The following DNM2 variants were observed in gnomAD, a reference collection of about 807,000 sequenced individuals.
The protein encoded by DNM2 is dynamin-2.
DNM2 carries 15 observed loss-of-function variants against 99.0 expected under a neutral mutation model. That is an observed-to-expected ratio of 0.15 (90% CI 0.10 to 0.23). DNM2 has a LOEUF of 0.23. DNM2 is among the 10% of genes least tolerant of loss of function. The pLI is 1.00. For synonymous variants in DNM2, 525 were observed against 481.2 expected, an observed-to-expected ratio of 1.09 and a Z score of -1.19; for missense variants, 742 against 1,189.4, an observed-to-expected ratio of 0.62 and a Z score of 5.53.
chr19:10,797,166 T>G (rs923671043), intron 9 of DNM2, among the ~76,000 whole-genome samples: 9 of 151,966 alleles, frequency 5.9e-5, no homozygotes, highest in Admixed American at 3.3e-4. Flanking sequence ...GTGGCCCTTC[T>G]GTAACTACAC....
chr19:10,796,698 A>T lies in DNM2; in HGVS notation c.1197-682A>T, dbSNP rs1210796957. Among the ~76,000 whole-genome samples, 1 of 152,068 alleles carries T rather than the reference A, an allele frequency of 6.6e-6. No homozygotes were observed. Among genetic ancestry groups the T allele is most frequent in the East Asian group, 1.9e-4 (1 of 5,180 alleles). On this transcript the variant is annotated intron_variant, in intron 9 of 20. Transcript: ENST00000389253. The surrounding 1 kb of genome is among the most constrained non-coding windows in gnomAD (Gnocchi z 5.6). ...ATCATGAGAGCCAGCTGGGGTCCTA[A>T]GTGCCCCTGCCCACCCCCTGCACCC... is the stretch of plus-strand genomic sequence containing the variant.
chr19:10,828,949 C>G, intron 18 of DNM2, 87 bp from the exon 19 acceptor site: 5 of 1,401,372 alleles, frequency 3.6e-6, no homozygotes, highest in Non-Finnish European at 4.9e-6. Context: ...GTGGCCCCGC[C>G]CTGTGAGAGA....
At chr19:10,724,383 T>C (rs1333541485) in intron 1 of DNM2, among the ~76,000 whole-genome samples, 1 of 152,152 alleles carries the variant, frequency 6.6e-6, no homozygotes, top group African/African-American at 2.4e-5. Flanking sequence ...TTCACCATGT[T>C]AGCCAGGATG....
chr19:10,799,512 G>A (rs2072056739), intron 11 of DNM2, among the ~76,000 whole-genome samples: 1 of 151,002 alleles, frequency 6.6e-6, no homozygotes, highest in Non-Finnish European at 1.5e-5. Flanking sequence ...TGTTTGGGGT[G>A]CTTTTTGTGT....
In DNM2 at chr19:10,718,133, G is replaced by C; in HGVS notation, c.-110G>C. The C allele has an allele frequency of 6.6e-6, 8 of 1,206,666 alleles. No homozygotes were observed. Among genetic ancestry groups the C allele is most frequent in the Admixed American group, 8.7e-5 (2 of 22,896 alleles). The allele number at this position is 1,206,666 out of a possible 1,614,324, so 74.7% of individuals were successfully genotyped here. ...CCGAGCCGGGAGCGGGCGTCTTGCC[G>C]AGGCCCGGGCGGGCGGGGAGCAACG... On this transcript the variant is annotated 5_prime_UTR_variant, in exon 1 of 21. Coordinates refer to ENST00000389253, the MANE Select transcript of DNM2 (RefSeq NM_001005361.3).
At chr19:10,814,378 C>T (rs1265714401) in intron 15 of DNM2, among the ~76,000 whole-genome samples, 4 of 151,574 alleles carry the variant, frequency 2.6e-5, no homozygotes, top group South Asian at 2.1e-4. Flanking sequence ...GTGGGAGAAT[C>T]GCTTGAACCT....
At chr19:10,824,756 C>T in intron 17 of DNM2, 1 of 439,818 alleles carries the variant, frequency 2.3e-6, no homozygotes, top group Non-Finnish European at 4.2e-6. Flanking sequence ...CTGCGGTGAA[C>T]TGTGTTTGTG....
At position 10,830,761 on chromosome 19, in the gene DNM2, C is replaced by G. The variant is rs1210306064; in HGVS notation, c.2544-217C>G. Among the ~76,000 whole-genome samples, 1 of 152,156 alleles carries G rather than the reference C, an allele frequency of 6.6e-6. No homozygotes were observed. Among genetic ancestry groups the G allele is most frequent in the Non-Finnish European group, 1.5e-5 (1 of 68,016 alleles). On this transcript the variant is annotated intron_variant, in intron 20 of 20. Coordinates refer to ENST00000389253, the MANE Select transcript of DNM2 (RefSeq NM_001005361.3). This position sits in a 1 kb window ranked among gnomAD's most constrained non-coding sequence, Gnocchi z 4.8. Reference sequence around the variant, plus strand: ...ACTTCTCCGGTGGGGAAGCTGAGGCCCAGGGAGGGCAGGGGGCTCACTGAG... The same window carrying G: ...ACTTCTCCGGTGGGGAAGCTGAGGCGCAGGGAGGGCAGGGGGCTCACTGAG...
intron 5 of DNM2, among the ~76,000 whole-genome samples, 197 bp downstream of exon 5, chr19:10,777,413 C>T (rs562933199): frequency 1.3e-5 from 2 of 152,270 alleles, no homozygotes; most frequent in South Asian, 2.1e-4. Context: ...GCACAATTAA[C>T]ACCTGCTGGT....
chr19:10,732,707 T>TTATATA (rs140944896), intron 1 of DNM2, among the ~76,000 whole-genome samples: 1 of 139,010 alleles, frequency 7.2e-6, no homozygotes, highest in African/African-American at 2.6e-5. Flanking sequence ...GCCAGATTTT[T>TTATATA]TATATATATA....
intron 2 of DNM2, among the ~76,000 whole-genome samples, chr19:10,761,057 C>T (rs941321560): frequency 2.0e-5 from 3 of 151,780 alleles, no homozygotes; most frequent in African/African-American, 7.3e-5. Flanking sequence ...GGCGTGATCT[C>T]GGCTCACTGC....
At chr19:10,800,652 A>T (rs572278822) in intron 11 of DNM2, among the ~76,000 whole-genome samples, 47 of 152,362 alleles carry the variant, frequency 3.1e-4, no homozygotes, top group African/African-American at 8.9e-4. Flanking sequence ...TTGGAGGTGC[A>T]GTGAGGGGAA....
At chr19:10,732,931 T>G (rs1377405214) in intron 1 of DNM2, among the ~76,000 whole-genome samples, 1 of 151,914 alleles carries the variant, frequency 6.6e-6, no homozygotes, top group Non-Finnish European at 1.5e-5. Context: ...TTCCCCAGGC[T>G]GGAGTGCAAT....
intron 1 of DNM2, among the ~76,000 whole-genome samples, chr19:10,754,325 A>G (rs1185560857): frequency 6.8e-6 from 1 of 146,406 alleles, no homozygotes; most frequent in Non-Finnish European, 1.5e-5. Context: ...GCGCTATCTC[A>G]GCTCACTGCA....
chr19:10,721,945 G>C (rs1320240093), intron 1 of DNM2, among the ~76,000 whole-genome samples: 1 of 152,176 alleles, frequency 6.6e-6, no homozygotes, highest in African/African-American at 2.4e-5. Flanking sequence ...TGCAAAGGCT[G>C]TGGGCCTAAG....
Position 10,796,326 on chromosome 19 carries a change from T to C in DNM2, c.1196+887T>C. On this transcript the variant is annotated intron_variant, in intron 9 of 20. Transcript: ENST00000389253. The surrounding 1 kb of genome is among the most constrained non-coding windows in gnomAD (Gnocchi z 5.6). ...TTCTCCCCATATCGCTTTGTGTCCG[T>C]GAACTTGGCCTCTCCCCAGAGGCTG... The C allele has an allele frequency of 6.9e-7, 1 of 1,444,852 alleles. No homozygotes were observed. The highest frequency in any genetic ancestry group is 1.2e-5 in the South Asian group (1 of 86,186). The allele number at this position is 1,444,852 out of a possible 1,614,324, so 89.5% of individuals were successfully genotyped here. A position where few individuals can be genotyped will look rare whatever the true frequency, so the allele number is the denominator to read the frequency against.
At position 10,830,654 on chromosome 19, in the gene DNM2, G is replaced by A. The variant is rs2073312026; in HGVS notation, c.2543+276G>A. 1 of 586,484 alleles carries A rather than the reference G, an allele frequency of 1.7e-6. No individual in the cohort carries two copies. Among genetic ancestry groups the A allele is most frequent in the East Asian group, 2.9e-5 (1 of 34,810 alleles). The allele number at this position is 586,484 out of a possible 1,614,324, so 36.3% of individuals were successfully genotyped here. The stretch of plus-strand genomic sequence containing the variant: ...GGCAGCTGGGGAACCCTCACACTGG[G>A]CACCTCCTCCCACTGTTTACCTTCT... On this transcript the variant is annotated intron_variant, in intron 20 of 20. Transcript: ENST00000389253. This position sits in a 1 kb window ranked among gnomAD's most constrained non-coding sequence, Gnocchi z 4.8.
chr19:10,800,355 C>T (rs2072093112), intron 11 of DNM2, among the ~76,000 whole-genome samples: 1 of 152,238 alleles, frequency 6.6e-6, no homozygotes, highest in Admixed American at 6.5e-5. Context: ...ATTGCTCCCT[C>T]AGGGCACCAG....
At chr19:10,742,808 C>T (rs2069803258) in intron 1 of DNM2, among the ~76,000 whole-genome samples, 1 of 152,106 alleles carries the variant, frequency 6.6e-6, no homozygotes, top group Non-Finnish European at 1.5e-5. Flanking sequence ...CCTTGGTTTC[C>T]CCATCTGCAA....
Sources: allele counts gnomAD v4.1 joint callset (sites outside exome capture counted in the v4.1 genomes callset), GRCh38; gene constraint gnomAD v4.1.1; non-coding constraint Gnocchi (gnomAD v3.1); transcripts MANE v1.5; gene names NCBI Gene and HGNC (gene_info 2026-07-23, HGNC 2026-07-21).